Variants in FBXO34 observed in about 807,000 individuals in gnomAD.
FBXO34 encodes the protein F-box protein 34.
Under a neutral mutation model 24.5 loss-of-function variants are expected in FBXO34, and 12 were observed. The observed-to-expected ratio is 0.49, with a 90% CI of 0.31 to 0.79. The LOEUF is 0.79. FBXO34 is among the 30% of genes least tolerant of loss of function. The pLI, the probability that FBXO34 is intolerant of heterozygous loss-of-function variation, is 0.04. For missense variants in FBXO34, 823 were observed against 857.7 expected (o/e 0.96, Z 0.51); for synonymous variants, 320 against 311.9 (o/e 1.03, Z -0.27).
intron 1 of FBXO34, among the ~76,000 whole-genome samples, chr14:55,341,323 G>T (rs2140071253): frequency 6.6e-6 from 1 of 152,306 alleles, no homozygotes; most frequent in Non-Finnish European, 1.5e-5. Context: ...ATGGGAGGGG[G>T]TCTTTTGCTA....
intron 1 of FBXO34, among the ~76,000 whole-genome samples, chr14:55,307,653 GT>G (rs1298832270): frequency 1.3e-5 from 2 of 152,142 alleles, no homozygotes; most frequent in Non-Finnish European, 1.5e-5. Flanking sequence ...ATGAGCAAAG[GT>G]TTTTTTGTGT....
chr14:55,373,806 A>T (rs1023019909), downstream of FBXO34, among the ~76,000 whole-genome samples: 1 of 64,042 alleles, frequency 1.6e-5, no homozygotes. Context: ...ATTTGTTTCA[A>T]AAAAAAAAAA....
intron 1 of FBXO34, among the ~76,000 whole-genome samples, chr14:55,328,410 C>T (rs1883423373): frequency 6.6e-6 from 1 of 152,168 alleles, no homozygotes; most frequent in African/African-American, 2.4e-5. Context: ...TTAACACAAG[C>T]ACCGTAACAA....
At chr14:55,402,272 C>T in the FBXO34 span, among the ~76,000 whole-genome samples, 1 of 152,116 alleles carries the variant, frequency 6.6e-6, no homozygotes, top group South Asian at 2.1e-4. Flanking sequence ...TAGGGCTAAA[C>T]ATTTACTTTG....
chr14:55,281,005 G>A (rs560632662), intron 1 of FBXO34, among the ~76,000 whole-genome samples: 1 of 152,140 alleles, frequency 6.6e-6, no homozygotes, highest in East Asian at 1.9e-4. Flanking sequence ...TAAAAAATAC[G>A]TTAACACAAT....
At chr14:55,389,988 G>A in the FBXO34 span, among the ~76,000 whole-genome samples, 2 of 152,050 alleles carry the variant, frequency 1.3e-5, no homozygotes, top group Admixed American at 6.5e-5. Flanking sequence ...TGTGCTTCTG[G>A]CATGGGCCAA....
the FBXO34 span, among the ~76,000 whole-genome samples, chr14:55,435,079 G>GA: frequency 6.0e-4 from 90 of 149,018 alleles, no homozygotes; most frequent in South Asian, 3.2e-3. Flanking sequence ...TGAGGAGGAC[G>GA]AAAAAAAAAA....
intron 1 of FBXO34, among the ~76,000 whole-genome samples, chr14:55,341,358 A>G (rs571696627): frequency 1.2e-4 from 19 of 152,342 alleles, no homozygotes; most frequent in South Asian, 2.1e-4. Context: ...GAGAAAGTGC[A>G]CAGATGGGCC....
At chr14:55,274,730 G>C (rs1417863429) in intron 1 of FBXO34, among the ~76,000 whole-genome samples, 1 of 152,076 alleles carries the variant, frequency 6.6e-6, no homozygotes, top group Non-Finnish European at 1.5e-5. Flanking sequence ...TTTATGTTCA[G>C]CTAGCTTAAT....
downstream of FBXO34, chr14:55,369,488 A>G (rs1422614831): frequency 5.4e-6 from 5 of 931,784 alleles, no homozygotes; most frequent in Middle Eastern, 3.6e-4. Context: ...CTGCTTAAAA[A>G]GACAAAACAA....
In FBXO34 at chr14:55,352,765, G is replaced by C; in HGVS notation, c.*239G>C. On this transcript the variant is annotated 3_prime_UTR_variant, in exon 2 of 2. Coordinates refer to ENST00000313833, the MANE Select transcript of FBXO34 (RefSeq NM_017943.4). ...GGGTGGTATCCCACAGTTGGATTCA[G>C]TTGGCTGTGAATAACTGCCTGTTTT... 2.2e-6 allele frequency: 1 copy of C among 451,934 alleles called. No homozygotes were observed. The highest frequency in any genetic ancestry group is 4.0e-6 in the Non-Finnish European group (1 of 247,432). 28.0% of individuals were successfully genotyped at this position (451,934 alleles called of 1,614,324 possible).
At chr14:55,428,350 C>T in the FBXO34 span, among the ~76,000 whole-genome samples, 1 of 151,916 alleles carries the variant, frequency 6.6e-6, no homozygotes, top group African/African-American at 2.4e-5. Flanking sequence ...AGGATGGTCT[C>T]GATCTCCTGA....
chr14:55,367,047 C>CAACA (rs760745927), intron 2 of FBXO34: 1 of 152,634 alleles, frequency 6.6e-6, no homozygotes, highest in Non-Finnish European at 1.5e-5. Flanking sequence ...ATATTAACAA[C>CAACA]AACAAACAAA....
Position 55,350,483 on chromosome 14 carries a change from G to A in FBXO34, c.93G>A (p.Lys31=). Residue 31 remains lysine (K), a synonymous_variant, in exon 2 of 2, where the codon AAG becomes AAA. Transcript: ENST00000313833. ...ETQRTPMNHQ[K]AVNDETCKAS... ...AGAGAACTCCTATGAACCACCAAAA[G>A]GCTGTAAATGATGAAACATGCAAAG... The A allele has an allele frequency of 6.2e-7, 1 of 1,613,788 alleles. No homozygotes were observed. The highest frequency in any genetic ancestry group is 1.1e-5 in the South Asian group (1 of 91,058).
chr14:55,375,238 T>C, the FBXO34 span, among the ~76,000 whole-genome samples: 1 of 152,240 alleles, frequency 6.6e-6, no homozygotes, highest in South Asian at 2.1e-4. Context: ...ATTTATAGTT[T>C]TTGCTGCTAC....
the FBXO34 span, among the ~76,000 whole-genome samples, chr14:55,441,870 C>A: frequency 6.6e-6 from 1 of 151,928 alleles, no homozygotes; most frequent in African/African-American, 2.4e-5. Context: ...TCCAGCAATT[C>A]TTGTGCCTCA....
intron 1 of FBXO34, among the ~76,000 whole-genome samples, chr14:55,343,124 C>G (rs1389659539): frequency 6.6e-6 from 1 of 151,672 alleles, no homozygotes; most frequent in Non-Finnish European, 1.5e-5. Context: ...TCTCTGGAAG[C>G]TTTTACAGTT....
At chr14:55,280,608 G>A (rs1258002183) in intron 1 of FBXO34, among the ~76,000 whole-genome samples, 1 of 146,048 alleles carries the variant, frequency 6.8e-6, no homozygotes, top group Non-Finnish European at 1.5e-5. Flanking sequence ...TTCACTGCAA[G>A]CTCCGCCTCC....
chr14:55,439,037 A>G, the FBXO34 span: 1 of 151,252 alleles, frequency 6.6e-6, no homozygotes, highest in African/African-American at 2.4e-5. Context: ...TCCTGGATGC[A>G]AGCAATTCTC....
Sources: allele counts gnomAD v4.1 joint callset (sites outside exome capture counted in the v4.1 genomes callset), GRCh38; gene constraint gnomAD v4.1.1; transcripts MANE v1.5; gene names NCBI Gene and HGNC (gene_info 2026-07-23, HGNC 2026-07-21).